The following IRAG2 variants were observed in gnomAD, a reference collection of about 807,000 sequenced individuals.
IRAG2 encodes inositol 1,4,5-triphosphate receptor associated 2.
A neutral mutation model predicts 69.9 loss-of-function variants in IRAG2; 45 were observed. That is an observed-to-expected ratio of 0.64 (90% CI 0.51 to 0.83). The LOEUF (loss-of-function observed/expected upper bound fraction) is 0.83. IRAG2 is among the 40% of genes least tolerant of loss of function. The pLI is 0.00. For missense variants in IRAG2, 520 were observed against 587.0 expected (o/e 0.89, Z 1.18); for synonymous variants, 193 against 202.4 (o/e 0.95, Z 0.40).
chr12:25,066,550 T>C (rs1227289518), intron 5 of IRAG2, 38 bp downstream of exon 5: 1 of 400,896 alleles, frequency 2.5e-6, no homozygotes, highest in East Asian at 3.6e-5. Flanking sequence ...CTACTCCTCA[T>C]GGGTGGCCCA....
At chr12:25,036,916 AATAAG>A (rs1944706648) in intron 15 of IRAG2, among the ~76,000 whole-genome samples, 1 of 151,262 alleles carries the variant, frequency 6.6e-6, no homozygotes, top group South Asian at 2.1e-4. Flanking sequence ...GAAAATAATA[AATAAG>A]ATGATTTAAT....
At chr12:25,084,877 G>T (rs1270686007) in intron 10 of IRAG2, among the ~76,000 whole-genome samples, 1 of 152,228 alleles carries the variant, frequency 6.6e-6, no homozygotes, top group African/African-American at 2.4e-5. Flanking sequence ...CATAGTATTT[G>T]CATATAACCT....
rs1043596246 is a variant in IRAG2 at position 25,106,885 on chromosome 12, GAATA to G, written c.1149-56_1149-53del. 5 of 702,838 alleles carry G rather than the reference GAATA, an allele frequency of 7.1e-6. No homozygotes were observed. In the African/African-American group the frequency reaches 7.5e-5, roughly 11 times the overall value. 43.5% of individuals were successfully genotyped at this position (702,838 alleles called of 1,614,324 possible). A position where few individuals can be genotyped will look rare whatever the true frequency, so the allele number is the denominator to read the frequency against. Reference sequence around the variant, plus strand: ...ACAGTAAGATTCAGCAATATTTTATGAATAATTATAGCATATTATCCTTAGTTTC... The same window carrying G: ...ACAGTAAGATTCAGCAATATTTTATGATTATAGCATATTATCCTTAGTTTC... On this transcript the variant is annotated intron_variant, in intron 20 of 21. Coordinates refer to ENST00000556887, the MANE Select transcript of IRAG2 (RefSeq NM_001366544.2).
At chr12:25,047,195 T>C (rs2139868439) in intron 16 of IRAG2, among the ~76,000 whole-genome samples, 1 of 152,260 alleles carries the variant, frequency 6.6e-6, no homozygotes, top group Admixed American at 6.5e-5. Flanking sequence ...AAGATGTAAA[T>C]TTAAGACCTA....
intron 16 of IRAG2, among the ~76,000 whole-genome samples, chr12:25,042,326 C>A (rs568815373): frequency 6.6e-6 from 1 of 152,028 alleles, no homozygotes; most frequent in African/African-American, 2.4e-5. Flanking sequence ...ATTTATCATT[C>A]GAACATGTTG....
In IRAG2 at chr12:25,028,104, T is replaced by C. The variant is rs182847234; in HGVS notation, c.1461+1238T>C. Among the ~76,000 whole-genome samples the C allele has an allele frequency of 7.2e-5, 11 of 152,218 alleles. No homozygotes were observed. In the East Asian group the frequency reaches 2.1e-3, roughly 29 times the overall value. On this transcript the variant is annotated intron_variant, in intron 9 of 38. Coordinates refer to the IRAG2 transcript ENST00000636465. ...CATGCTTAGCTAATTTTTGTATTTG[T>C]GGTAAAGATGGGATTTCACCATGTT... is the stretch of plus-strand genomic sequence containing the variant.
intron 10 of IRAG2, chr12:25,032,104 T>C (rs1846350357): frequency 7.5e-6 from 3 of 398,688 alleles, no homozygotes; most frequent in Non-Finnish European, 1.3e-5. Flanking sequence ...GGTGGACCCA[T>C]TACTTTTTTG....
chr12:25,031,022 G>T (rs1944663840), intron 10 of IRAG2: 2 of 985,304 alleles, frequency 2.0e-6, no homozygotes, highest in Non-Finnish European at 2.4e-6. Context: ...GGCTACAAAG[G>T]TGCTGGTTAC....
At chr12:25,078,618 T>C (rs1946980749) in intron 6 of IRAG2, among the ~76,000 whole-genome samples, 1 of 152,248 alleles carries the variant, frequency 6.6e-6, no homozygotes, top group Non-Finnish European at 1.5e-5. Context: ...ACAACTTTAA[T>C]GCCCTAAAGT....
chr12:25,047,656 A>G (rs1481856291), upstream of IRAG2, among the ~76,000 whole-genome samples: 2 of 151,946 alleles, frequency 1.3e-5, no homozygotes, highest in Non-Finnish European at 1.5e-5. Flanking sequence ...GTTCCCCGCA[A>G]TGTGTCCATG....
intron 10 of IRAG2, among the ~76,000 whole-genome samples, chr12:25,085,417 G>A (rs1045826531): frequency 2.6e-5 from 4 of 152,162 alleles, no homozygotes; most frequent in Non-Finnish European, 5.9e-5. Context: ...ACTGCCCCAG[G>A]CTAAACTCCC....
At chr12:25,031,723 C>T (rs1028673239) in intron 10 of IRAG2, among the ~76,000 whole-genome samples, 4 of 152,022 alleles carry the variant, frequency 2.6e-5, no homozygotes, top group East Asian at 1.9e-4. Context: ...AGTGCAATGG[C>T]GTGATCTTGG....
chr12:25,008,666 G>T (rs965396000), intron 2 of IRAG2, among the ~76,000 whole-genome samples: 1 of 152,182 alleles, frequency 6.6e-6, no homozygotes, highest in Admixed American at 6.5e-5. Context: ...TTGAACTCAG[G>T]AGTTGGAGGC....
upstream of IRAG2, among the ~76,000 whole-genome samples, chr12:24,999,637 C>G (rs554120405): frequency 4.3e-4 from 65 of 152,200 alleles, no homozygotes; most frequent in African/African-American, 1.5e-3. Flanking sequence ...CTGTTTATAA[C>G]CCTAGAAATA....
intron 16 of IRAG2, among the ~76,000 whole-genome samples, chr12:25,045,523 C>A (rs1054352130): frequency 6.6e-6 from 1 of 151,750 alleles, no homozygotes; most frequent in Non-Finnish European, 1.5e-5. Context: ...GACTCAAAAT[C>A]AGAAATGAAG....
In IRAG2 at chr12:25,020,503, A is replaced by G. The variant is rs373899992; in HGVS notation, c.1215-287A>G. ...ATCTTCTTAGTAGGGGGAAAGAACC[A>G]GGTAATTCAGCCAGTGATGATTTTC... On this transcript the variant is annotated intron_variant, in intron 6 of 38. Transcript: ENST00000636465. 3.3e-4 allele frequency among the ~76,000 whole-genome samples: 50 copies of G among 152,328 alleles called. 1 individual carries two copies. In the East Asian group the frequency reaches 9.6e-3, roughly 29 times the overall value.
intron 16 of IRAG2, among the ~76,000 whole-genome samples, chr12:25,046,562 A>G (rs1117117): frequency 0.8 from 121,545 of 152,044 alleles, 49,863 homozygotes; most frequent in South Asian, 0.9. Flanking sequence ...AACCATCTGA[A>G]AAAGAAATTA....
rs553366715 is a variant in IRAG2, at chr12:25,102,180, A to C, written c.890-18A>C. ...CATGTGTAATAGCTAAAATGTGTCA[A>C]TGTGTTTTTCCTTTCAGATGACTGC... On this transcript the variant is annotated intron_variant, in intron 16 of 21. Coordinates refer to ENST00000556887, the MANE Select transcript of IRAG2 (RefSeq NM_001366544.2). 9 of 1,609,550 alleles carry C rather than the reference A, an allele frequency of 5.6e-6. No homozygotes were observed. The highest frequency in any genetic ancestry group is 7.7e-6 in the Non-Finnish European group (9 of 1,176,318).
intron 15 of IRAG2, among the ~76,000 whole-genome samples, chr12:25,037,343 AG>A (rs1160517090): frequency 6.6e-6 from 1 of 152,124 alleles, no homozygotes; most frequent in Non-Finnish European, 1.5e-5. Flanking sequence ...CTGTTGCCCA[AG>A]CTGGAGGGCA....
Sources: gnomAD v4.1 joint callset for allele counts (sites outside exome capture counted in the v4.1 genomes callset) on GRCh38, gnomAD v4.1.1 for gene constraint, MANE v1.5 for transcripts, NCBI Gene and HGNC (gene_info 2026-07-23, HGNC 2026-07-21) for gene names.